Variants in KIR3DL1 observed in about 807,000 individuals in gnomAD.
The protein encoded by KIR3DL1 is killer cell immunoglobulin like receptor, three Ig domains and long cytoplasmic tail 1.
A neutral mutation model predicts 40.3 loss-of-function variants in KIR3DL1; 50 were observed. That is an observed-to-expected ratio of 1.24 (90% CI 0.99 to 1.57). The LOEUF (loss-of-function observed/expected upper bound fraction) is 1.57, where lower values mean the gene tolerates loss of function less well. Among genes scored for constraint, KIR3DL1 ranks in the 40% most tolerant of loss-of-function variants. The probability of loss-of-function intolerance (pLI) is 0.00; values close to 1 mark genes in which losing one functional copy is unlikely to be tolerated. For synonymous variants in KIR3DL1, 257 were observed against 207.2 expected (o/e 1.24, Z -2.07); for missense variants, 661 against 559.9 (o/e 1.18, Z -1.82).
Position 54,829,479 on chromosome 19 carries a change from G to A in KIR3DL1, c.1105+14G>A, listed in dbSNP as rs45496791. 2.5e-4 allele frequency: 343 copies of A among 1,385,018 alleles called. 39 individuals are homozygous for A. Among genetic ancestry groups the A allele is most frequent in the Non-Finnish European group, 2.8e-4 (282 of 1,017,670 alleles). The allele number at this position is 1,385,018 out of a possible 1,614,324, so 85.8% of individuals were successfully genotyped here. A position where few individuals can be genotyped will look rare whatever the true frequency, so the allele number is the denominator to read the frequency against. ...CCAACAAAAAAAGTAAGTCTCACGGGGCACAGGCCAGAGAGCTCAGGGCCA... is the reference window on the plus strand; with the variant it reads ...CCAACAAAAAAAGTAAGTCTCACGGAGCACAGGCCAGAGAGCTCAGGGCCA... On this transcript the variant is annotated intron_variant, in intron 7 of 8. Coordinates refer to ENST00000391728, the Ensembl canonical transcript of KIR3DL1.
At chr19:54,819,625 A>T (rs1031903537) in intron 3 of KIR3DL1, 88 bp from the exon 4 acceptor site, 38 of 1,448,800 alleles carry the variant, frequency 2.6e-5, no homozygotes, top group Middle Eastern at 5.0e-4. Flanking sequence ...AGAGACAGAC[A>T]CGGGGAGGGG....
intron 5 of KIR3DL1, among the ~76,000 whole-genome samples, chr19:54,822,651 T>C (rs2061696138): frequency 6.6e-6 from 1 of 150,936 alleles, no homozygotes; most frequent in African/African-American, 2.5e-5. Context: ...ACATCTATAT[T>C]CTTTTTTTTG....
chr19:54,821,767 C>A (rs1227683947), exon 5 of KIR3DL1: 1 of 1,607,832 alleles, frequency 6.2e-7, no homozygotes. Context: ...GCCCTGCCAC[C>A]CACGGAGGGA....
At chr19:54,820,085 G>A in intron 4 of KIR3DL1, 73 bp downstream of exon 4, 1 of 1,500,172 alleles carries the variant, frequency 6.7e-7, no homozygotes, top group Non-Finnish European at 9.2e-7. Context: ...GGAACCCCCA[G>A]GTGGTCATGA....
chr19:54,822,943 A>G (rs1359954712), intron 5 of KIR3DL1, among the ~76,000 whole-genome samples: 2 of 148,376 alleles, frequency 1.3e-5, no homozygotes, highest in Admixed American at 1.3e-4. Context: ...GAACAGTCAT[A>G]TGAGTGCAGA....
intron 7 of KIR3DL1, 53 bp downstream of exon 7, chr19:54,829,518 G>T: frequency 7.5e-7 from 1 of 1,326,908 alleles, no homozygotes; most frequent in South Asian, 1.3e-5. Flanking sequence ...GGGGAAGCAG[G>T]ATGGGAGCAC....
chr19:54,821,739 A>C, exon 5 of KIR3DL1: 1 of 1,608,604 alleles, frequency 6.2e-7, no homozygotes, highest in Non-Finnish European at 8.5e-7. Context: ...AGAACATTCC[A>C]GGCAGATTTC....
At chr19:54,819,985 A>T in exon 4 of KIR3DL1, 1 of 1,611,110 alleles carries the variant, frequency 6.2e-7, no homozygotes, top group Non-Finnish European at 8.5e-7. Flanking sequence ...GTCAGCTCCC[A>T]GTGATCCCCT....
At chr19:54,818,697 A>G (rs77109618) in intron 3 of KIR3DL1, 98 bp downstream of exon 3, 336,824 of 1,474,022 alleles carry the variant, frequency 0.23, 40,094 homozygotes, top group South Asian at 0.32. Flanking sequence ...CCAGGCCCTG[A>G]CTGTATTTGG....
chr19:54,817,151 G>A (rs1232078456), intron 1 of KIR3DL1, among the ~76,000 whole-genome samples: 1 of 148,492 alleles, frequency 6.7e-6, no homozygotes, highest in Non-Finnish European at 1.5e-5. Flanking sequence ...GAAGCCTGGA[G>A]TGGAAATATG....
chr19:54,818,340 T>G (rs747731182), exon 3 of KIR3DL1: 1 of 1,603,898 alleles, frequency 6.2e-7, no homozygotes, highest in African/African-American at 1.4e-5. Context: ...CCTTCCTGTC[T>G]GCCTGGCCCA....
At chr19:54,825,213 C>G (rs1414077094) in intron 6 of KIR3DL1, 135 bp downstream of exon 6, 3 of 756,338 alleles carry the variant, frequency 4.0e-6, no homozygotes, top group Non-Finnish European at 7.0e-6. Context: ...TCCAGACACT[C>G]CAACAGTGAA....
At position 54,817,632 on chromosome 19, in the gene KIR3DL1, G is replaced by A; in HGVS notation, c.70+63G>A. 9.6e-6 allele frequency: 13 copies of A among 1,352,136 alleles called. 1 individual carries two copies. In the South Asian group the frequency reaches 1.5e-4, roughly 15 times the overall value. The allele number at this position is 1,352,136 out of a possible 1,614,324, so 83.8% of individuals were successfully genotyped here. A position where few individuals can be genotyped will look rare whatever the true frequency, so the allele number is the denominator to read the frequency against. ...ACATAAGAGGATTTTCCTGAAATGGGAGGGAAGTCCTGTCGGGGAGTCTCT... is the reference window on the plus strand; with the variant it reads ...ACATAAGAGGATTTTCCTGAAATGGAAGGGAAGTCCTGTCGGGGAGTCTCT... On this transcript the variant is annotated intron_variant, in intron 2 of 8. Coordinates refer to ENST00000391728, the Ensembl canonical transcript of KIR3DL1.
intron 6 of KIR3DL1, among the ~76,000 whole-genome samples, chr19:54,826,412 C>T (rs1358858674): frequency 2.0e-5 from 3 of 147,294 alleles, no homozygotes; most frequent in Non-Finnish European, 4.5e-5. Flanking sequence ...TCTCCTGGAT[C>T]CAAGTGATTC....
chr19:54,830,177 C>T lies in KIR3DL1; in HGVS notation c.1237C>T (p.Arg413Cys), dbSNP rs573252093. 26 of 1,523,156 alleles carry T rather than the reference C, an allele frequency of 1.7e-5. 2 individuals carry two copies. Among genetic ancestry groups the T allele is most frequent in the Middle Eastern group, 1.7e-4 (1 of 5,768 alleles). 94.4% of individuals were successfully genotyped at this position (1,523,156 alleles called of 1,614,324 possible). The change falls in exon 9 of 9, where the codon CGC (arginine) becomes TGC (cysteine). Residue 413 changes from arginine (R) to cysteine (C), a missense_variant. Around this residue, in one of 3 missense-constraint regions of KIR3DL1, gnomAD observed 107 missense variants for 129.4 expected, o/e 0.83. Transcript: ENST00000391728. The stretch of plus-strand genomic sequence containing the variant: ...CGTTTTCACACAGAGAAAAATCACT[C>T]GCCCTTCTCAGAGGCCCAAGACACC...
At chr19:54,820,560 C>T (rs1302181262) in intron 4 of KIR3DL1, among the ~76,000 whole-genome samples, 1 of 151,298 alleles carries the variant, frequency 6.6e-6, no homozygotes, top group Non-Finnish European at 1.5e-5. Flanking sequence ...TTGGGGTCCC[C>T]AGACTGGATT....
chr19:54,822,413 T>A (rs1395180552), intron 5 of KIR3DL1, among the ~76,000 whole-genome samples: 1 of 151,146 alleles, frequency 6.6e-6, no homozygotes, highest in Non-Finnish European at 1.5e-5. Flanking sequence ...TCATTTAAGA[T>A]CAGGAACTCG....
chr19:54,825,709 G>A (rs2061849662), intron 6 of KIR3DL1, among the ~76,000 whole-genome samples: 1 of 149,796 alleles, frequency 6.7e-6, no homozygotes. Flanking sequence ...AGTAGGAAGT[G>A]CATCTTACTG....
chr19:54,818,572 A>G (rs2061474019), exon 3 of KIR3DL1: 2 of 1,611,134 alleles, frequency 1.2e-6, no homozygotes, highest in East Asian at 4.5e-5. Context: ...GTCGGCACCC[A>G]GCAACCCCGT....
Sources: gnomAD v4.1 joint callset for allele counts (sites outside exome capture counted in the v4.1 genomes callset) on GRCh38, gnomAD v4.1.1 for gene constraint, gnomAD v4.1.1 regional missense constraint, MANE v1.5 for transcripts, NCBI Gene and HGNC (gene_info 2026-07-23, HGNC 2026-07-21) for gene names.